PLXNC1: variants seen among roughly 807,000 people sequenced by gnomAD.
PLXNC1 encodes the protein plexin-C1.
In PLXNC1, 75 loss-of-function variants were observed where a neutral mutation model predicts 178.2. The observed-to-expected ratio is 0.42, with a 90% CI of 0.35 to 0.51. The LOEUF (loss-of-function observed/expected upper bound fraction) is 0.51. Among genes scored for constraint, PLXNC1 ranks in the 20% least tolerant of loss-of-function variants. The pLI, the probability that PLXNC1 is intolerant of heterozygous loss-of-function variation, is 0.02. For synonymous variants in PLXNC1, 790 were observed against 779.9 expected (o/e 1.01, Z -0.22); for missense variants, 1,503 against 1,984.4 (o/e 0.76, Z 4.61).
rs1416975411 is a variant in PLXNC1, at chr12:94,227,178, A to C, written c.1923A>C (p.Thr641=). The C allele has an allele frequency of 8.7e-6, 14 of 1,613,090 alleles. No individual in the cohort carries two copies. The highest frequency in any genetic ancestry group is 1.2e-5 in the Non-Finnish European group (14 of 1,179,004). The change falls in exon 9 of 31, where the codon ACA becomes ACC. Residue 641 remains threonine, a synonymous_variant. Transcript: ENST00000258526. ...AGTGTCCAGTGGCTGTCGAGAAGAC[A>C]TCAGGAGGAGGAAGACCCAAGGAGA... ...QEQCPVAVEK[T]SGGGRPKENK... is the part of the protein sequence containing the mutation.
At chr12:94,242,167 G>A (rs925954780) in intron 11 of PLXNC1, among the ~76,000 whole-genome samples, 5 of 151,992 alleles carry the variant, frequency 3.3e-5, no homozygotes, top group African/African-American at 1.2e-4. Flanking sequence ...CTTTCTCCCC[G>A]GTTCTGGAGG....
Position 94,303,798 on chromosome 12 carries a change from A to G in PLXNC1, c.4429A>G (p.Thr1477Ala), listed in dbSNP as rs1200677380. ...NKLLYAKDIP[T>A]YKEEVKSYYK... Reference sequence around the variant, plus strand: ...GCTTCTCTATGCCAAGGATATCCCAACCTACAAAGAAGAAGTAAAATCTTA... The same window carrying G: ...GCTTCTCTATGCCAAGGATATCCCAGCCTACAAAGAAGAAGTAAAATCTTA... The change falls in exon 29 of 31, where the codon ACC (threonine) becomes GCC (alanine). Residue 1477 changes from threonine to alanine, a missense_variant. Around this residue, in one of 4 missense-constraint regions of PLXNC1, gnomAD observed 639 missense variants for 979.7 expected, o/e 0.65. Coordinates refer to ENST00000258526, the MANE Select transcript of PLXNC1 (RefSeq NM_005761.3). 1 of 1,608,644 alleles carries G rather than the reference A, an allele frequency of 6.2e-7. No individual in the cohort carries two copies.
In PLXNC1 at chr12:94,237,787, A is replaced by G; in HGVS notation, c.2104A>G (p.Thr702Ala). The stretch of plus-strand genomic sequence containing the variant: ...CACAATGATCCTGAAAGGAACCAGT[A>G]CCTGTGATAAGGATGTGTGAGTCGA... ...NITMILKGTS[T>A]CDKDVIQVSH... The change falls in exon 10 of 31, where the codon ACC becomes GCC. Residue 702 changes from threonine (T) to alanine (A), a missense_variant. Coordinates refer to ENST00000258526, the MANE Select transcript of PLXNC1 (RefSeq NM_005761.3). The G allele has an allele frequency of 6.2e-7, 1 of 1,613,840 alleles. No individual in the cohort carries two copies. The highest frequency in any genetic ancestry group is 8.5e-7 in the Non-Finnish European group (1 of 1,179,920).
chr12:94,281,017 G>A (rs138799051), intron 22 of PLXNC1, among the ~76,000 whole-genome samples: 8 of 152,238 alleles, frequency 5.3e-5, no homozygotes, highest in Admixed American at 1.3e-4. Context: ...GGTGGCTCAC[G>A]CCTGTAATCC....
intron 6 of PLXNC1, among the ~76,000 whole-genome samples, chr12:94,220,454 A>G (rs1048012879): frequency 2.0e-5 from 3 of 152,242 alleles, no homozygotes; most frequent in East Asian, 1.9e-4. Context: ...AATGGTTTAG[A>G]TAATTCAGAG....
At chr12:94,184,248 G>A (rs1257367399) in intron 3 of PLXNC1, among the ~76,000 whole-genome samples, 1 of 151,050 alleles carries the variant, frequency 6.6e-6, no homozygotes, top group African/African-American at 2.4e-5. Context: ...CTCCCTAGTA[G>A]CTGGGACTAC....
rs555149400 is a variant in PLXNC1, at chr12:94,264,954, C to G, written c.3451-125C>G. ...GTGGAGCAACGTGTATTTTCTTGGG[C>G]GTTTCATGTTGAGTGTTAGAAAACC... On this transcript the variant is annotated intron_variant, in intron 20 of 30. Transcript: ENST00000258526. The G allele has an allele frequency of 3.5e-4, 330 of 935,250 alleles. 1 individual carries two copies. Among genetic ancestry groups the G allele is most frequent in the Non-Finnish European group, 4.8e-4 (294 of 610,180 alleles). The allele number at this position is 935,250 out of a possible 1,614,324, so 57.9% of individuals were successfully genotyped here. A position where few individuals can be genotyped will look rare whatever the true frequency, so the allele number is the denominator to read the frequency against.
At chr12:94,213,534 T>C (rs1215364172) in intron 5 of PLXNC1, among the ~76,000 whole-genome samples, 2 of 152,256 alleles carry the variant, frequency 1.3e-5, no homozygotes, top group African/African-American at 4.8e-5. Context: ...TTGAGTTCTT[T>C]GTAGATTCTG....
At chr12:94,169,405 C>A in intron 2 of PLXNC1, 112 bp downstream of exon 2, 1 of 856,442 alleles carries the variant, frequency 1.2e-6, no homozygotes, top group Non-Finnish European at 1.9e-6. Flanking sequence ...CCAAGAACTT[C>A]ATGAACTCCT....
At chr12:94,150,103 A>C (rs1960899451) in intron 1 of PLXNC1, 70 bp downstream of exon 1, 91 of 1,229,068 alleles carry the variant, frequency 7.4e-5, no homozygotes, top group Non-Finnish European at 8.8e-5. Context: ...CCGAGGCAGA[A>C]CGAGCTGGGG....
At chr12:94,155,610 A>G (rs1289712724) in intron 1 of PLXNC1, among the ~76,000 whole-genome samples, 2 of 152,206 alleles carry the variant, frequency 1.3e-5, no homozygotes, top group African/African-American at 4.8e-5. Context: ...CAAAGGCAGT[A>G]CCTAGAAAGC....
At chr12:94,288,596 G>A (rs541902051) in intron 23 of PLXNC1, among the ~76,000 whole-genome samples, 1 of 152,194 alleles carries the variant, frequency 6.6e-6, no homozygotes, top group Non-Finnish European at 1.5e-5. Context: ...TGTGTGATTT[G>A]ACCAGCCTGT....
chr12:94,241,173 C>A (rs560582117), intron 11 of PLXNC1, among the ~76,000 whole-genome samples: 1 of 152,150 alleles, frequency 6.6e-6, no homozygotes, highest in South Asian at 2.1e-4. Context: ...ACATTTATCT[C>A]CCTAGTTGAA....
chr12:94,303,911 C>T lies in PLXNC1; in HGVS notation c.4527+15C>T, dbSNP rs754414635. On this transcript the variant is annotated intron_variant, in intron 29 of 30. Transcript: ENST00000258526. ...AGGAATCTAAGGTATCATTAGAAAGCAGAAATAAGCTTATATTTGGTTACT... is the reference window on the plus strand; with the variant it reads ...AGGAATCTAAGGTATCATTAGAAAGTAGAAATAAGCTTATATTTGGTTACT... 6.2e-7 allele frequency: 1 copy of T among 1,607,724 alleles called. No individual in the cohort carries two copies. The highest frequency in any genetic ancestry group is 1.1e-5 in the South Asian group (1 of 90,096).
In PLXNC1 at chr12:94,220,163, G is replaced by A. The variant is rs1326164175; in HGVS notation, c.1702G>A (p.Asp568Asn). ...CATCCCAACCAGAGCAACCTACAAAGGTATGTGGATTCTTCTGGGTTATTT... is the reference window on the plus strand; with the variant it reads ...CATCCCAACCAGAGCAACCTACAAAAGTATGTGGATTCTTCTGGGTTATTT... ...CSIPTRATYKDVSVVNVMFSF... is the reference protein window; with the variant it reads ...CSIPTRATYKNVSVVNVMFSF... Residue 568 changes from aspartate (D) to asparagine (N), a missense_variant and splice_region_variant, in exon 6 of 31, where the codon GAT becomes AAT. Asp to Asn is a conservative substitution (Grantham distance 23). Transcript: ENST00000258526. 4 of 1,611,692 alleles carry A rather than the reference G, an allele frequency of 2.5e-6. No individual in the cohort carries two copies. The highest frequency in any genetic ancestry group is 3.4e-6 in the Non-Finnish European group (4 of 1,178,944).
At chr12:94,235,658 G>A (rs915712823) in intron 9 of PLXNC1, among the ~76,000 whole-genome samples, 9 of 152,176 alleles carry the variant, frequency 5.9e-5, no homozygotes. Flanking sequence ...GGCTTTGCGG[G>A]CCGTATGGTC....
At chr12:94,226,800 G>T in intron 8 of PLXNC1, 93 bp downstream of exon 8, 1 of 884,292 alleles carries the variant, frequency 1.1e-6, no homozygotes, top group Non-Finnish European at 1.9e-6. Flanking sequence ...GAGGCGGGTG[G>T]ATCAATTGAG....
chr12:94,216,421 A>T (rs1963648181), intron 5 of PLXNC1, among the ~76,000 whole-genome samples: 1 of 152,236 alleles, frequency 6.6e-6, no homozygotes, highest in Admixed American at 6.5e-5. Flanking sequence ...ATATTCTCAC[A>T]AGAGGAGATT....
At chr12:94,187,209 C>T (rs906755433) in intron 4 of PLXNC1, among the ~76,000 whole-genome samples, 1 of 148,212 alleles carries the variant, frequency 6.7e-6, no homozygotes, top group Non-Finnish European at 1.5e-5. Flanking sequence ...AAACCCATAA[C>T]AGTGTCTGTC....
Sources: gnomAD v4.1 joint callset for allele counts (sites outside exome capture counted in the v4.1 genomes callset) on GRCh38, gnomAD v4.1.1 for gene constraint, gnomAD v4.1.1 regional missense constraint, MANE v1.5 for transcripts, NCBI Gene and HGNC (gene_info 2026-07-23, HGNC 2026-07-21) for gene names.